The following ZNF680 variants were observed in gnomAD, a reference collection of about 807,000 sequenced individuals.
The protein encoded by ZNF680 is zinc finger protein 680, also known as hypothetical protein FLJ90430.
In ZNF680, 6 loss-of-function variants were observed where a neutral mutation model predicts 12.1. That is an observed-to-expected ratio of 0.49 (90% CI 0.27 to 0.98). The LOEUF is 0.98. ZNF680 is among the 50% of genes least tolerant of loss of function. ZNF680 has a pLI of 0.12. For missense variants in ZNF680, 561 were observed against 616.3 expected (o/e 0.91, Z 0.95); for synonymous variants, 170 against 199.3 (o/e 0.85, Z 1.24).
At chr7:64,537,062 T>C (rs990770477) in intron 3 of ZNF680, among the ~76,000 whole-genome samples, 10 of 152,228 alleles carry the variant, frequency 6.6e-5, no homozygotes, top group African/African-American at 2.2e-4. Context: ...AGTAAAATCC[T>C]GTCTCAAAAC....
chr7:64,557,675 G>C (rs1787498117), intron 1 of ZNF680, among the ~76,000 whole-genome samples: 1 of 152,214 alleles, frequency 6.6e-6, no homozygotes, highest in Non-Finnish European at 1.5e-5. Context: ...ATCACTTGAG[G>C]TCAGGAGTTT....
At chr7:64,522,613 T>C in intron 3 of ZNF680, 113 bp from the exon 4 acceptor site, 1 of 852,902 alleles carries the variant, frequency 1.2e-6, no homozygotes, top group Non-Finnish European at 1.6e-6. Context: ...CAAAAATAAA[T>C]AACTAAAAAA....
chr7:64,546,669 G>A (rs1303904943), intron 1 of ZNF680, among the ~76,000 whole-genome samples: 1 of 152,156 alleles, frequency 6.6e-6, no homozygotes, highest in Admixed American at 6.5e-5. Context: ...CTAGAACCTG[G>A]AAGGCAGAGG....
Position 64,540,303 on chromosome 7 carries a change from C to CTT in ZNF680, c.253+3402_253+3403dup, listed in dbSNP as rs61265238. Among the ~76,000 whole-genome samples, 878 of 129,102 alleles carry CTT rather than the reference C, an allele frequency of 6.8e-3. 16 individuals carry two copies. The highest frequency in any genetic ancestry group is 0.025 in the African/African-American group (802 of 32,128). 84.7% of individuals were successfully genotyped at this position (129,102 alleles called of 152,430 possible). On this transcript the variant is annotated intron_variant, in intron 3 of 3. Coordinates refer to ENST00000309683, the MANE Select transcript of ZNF680 (RefSeq NM_178558.5). ...GTGATAGACATATGGCTGATTTATC[C>CTT]TTTTTTTTTTTTTTTTTTTGAGATG... is the stretch of plus-strand genomic sequence containing the variant.
chr7:64,504,643 A>G, the ZNF680 span, among the ~76,000 whole-genome samples: 2 of 152,232 alleles, frequency 1.3e-5, no homozygotes, highest in African/African-American at 4.8e-5. Flanking sequence ...CAGCATTCTC[A>G]GTGCCCAGTA....
At chr7:64,543,319 A>G (rs908472008) in intron 3 of ZNF680, among the ~76,000 whole-genome samples, 1 of 152,214 alleles carries the variant, frequency 6.6e-6, no homozygotes, top group Admixed American at 6.5e-5. Context: ...AAAAATGGAA[A>G]AGAAACCACT....
At chr7:64,535,502 A>C (rs1270580242) in intron 3 of ZNF680, among the ~76,000 whole-genome samples, 2 of 152,182 alleles carry the variant, frequency 1.3e-5, no homozygotes. Flanking sequence ...TCAGTAAAAA[A>C]GCATACAATA....
chr7:64,562,227 G>A (rs1250873318), intron 1 of ZNF680, among the ~76,000 whole-genome samples: 27 of 116,850 alleles, frequency 2.3e-4, no homozygotes, highest in African/African-American at 8.4e-4. Flanking sequence ...GCGAGACTCC[G>A]TTTCAAAAAA....
At position 64,521,033 on chromosome 7, in the gene ZNF680, A is replaced by G. The variant is rs1022890346; in HGVS notation, c.*128T>C. On this transcript the variant is annotated 3_prime_UTR_variant, in exon 4 of 4. Transcript: ENST00000309683. ...AAGTTTTGTCACATTCTTTACACTTATAAAGTTTTCTCCAATATAAATTAT... is the reference window on the plus strand; with the variant it reads ...AAGTTTTGTCACATTCTTTACACTTGTAAAGTTTTCTCCAATATAAATTAT... The G allele has an allele frequency of 2.8e-6, 3 of 1,061,502 alleles. No homozygotes were observed. Among genetic ancestry groups the G allele is most frequent in the African/African-American group, 3.2e-5 (2 of 62,636 alleles). The allele number at this position is 1,061,502 out of a possible 1,614,324, so 65.8% of individuals were successfully genotyped here.
In ZNF680 at chr7:64,562,920, C is replaced by A; in HGVS notation, c.30+5G>T. On this transcript the variant is annotated splice_donor_5th_base_variant and intron_variant, in intron 1 of 3. Coordinates refer to ENST00000309683, the MANE Select transcript of ZNF680 (RefSeq NM_178558.5). ...CTCTCTCGGGGTGTCGGACCGCACT[C>A]TCACCATTTCTAGGCTTCCAGGTGG... The A allele has an allele frequency of 1.9e-6, 3 of 1,613,752 alleles. No individual in the cohort carries two copies. Among genetic ancestry groups the A allele is most frequent in the Non-Finnish European group, 2.5e-6 (3 of 1,179,794 alleles).
At chr7:64,505,114 T>C in the ZNF680 span, among the ~76,000 whole-genome samples, 2 of 152,206 alleles carry the variant, frequency 1.3e-5, no homozygotes, top group Non-Finnish European at 2.9e-5. Flanking sequence ...AAGAACATAA[T>C]GATCGAGCAA....
chr7:64,557,812 G>A (rs1476911363), intron 1 of ZNF680, among the ~76,000 whole-genome samples: 12 of 152,276 alleles, frequency 7.9e-5, no homozygotes, highest in African/African-American at 2.4e-4. Context: ...CTTGAACCCC[G>A]GAGGCGGAGG....
chr7:64,534,613 AAGAACTAAAGGT>A (rs1473293706), intron 3 of ZNF680, among the ~76,000 whole-genome samples: 4 of 152,212 alleles, frequency 2.6e-5, no homozygotes, highest in African/African-American at 4.8e-5. Flanking sequence ...AGATTCCTTA[AAGAACTAAAGGT>A]AGAACTACCA....
chr7:64,552,742 G>C (rs1312624145), intron 1 of ZNF680, among the ~76,000 whole-genome samples: 15 of 152,150 alleles, frequency 9.9e-5, no homozygotes, highest in Admixed American at 9.2e-4. Flanking sequence ...TTAAAAAGTA[G>C]AAATAACAAT....
downstream of ZNF680, among the ~76,000 whole-genome samples, chr7:64,519,706 C>T (rs1791434165): frequency 6.6e-6 from 1 of 151,700 alleles, no homozygotes; most frequent in Non-Finnish European, 1.5e-5. Context: ...TATTTTTGAT[C>T]ACATCAGTTA....
the ZNF680 span, among the ~76,000 whole-genome samples, chr7:64,512,805 T>C: frequency 6.6e-6 from 1 of 152,096 alleles, no homozygotes; most frequent in East Asian, 1.9e-4. Flanking sequence ...GTGTGTGTAA[T>C]GTCTATTTAA....
chr7:64,553,752 G>A (rs1024383070), intron 1 of ZNF680, among the ~76,000 whole-genome samples: 4 of 151,788 alleles, frequency 2.6e-5, no homozygotes, highest in African/African-American at 7.2e-5. Flanking sequence ...CGCCAGACTG[G>A]TTTTCGCATT....
intron 2 of ZNF680, chr7:64,544,088 A>C: frequency 1.5e-6 from 1 of 655,682 alleles, no homozygotes; most frequent in East Asian, 3.5e-5. Flanking sequence ...ACTAATCTAG[A>C]GTGAAGGACA....
chr7:64,505,096 A>T, the ZNF680 span, among the ~76,000 whole-genome samples: 1 of 152,254 alleles, frequency 6.6e-6, no homozygotes, highest in Non-Finnish European at 1.5e-5. Context: ...TTTAGATTTT[A>T]AAAGGTCAAG....
Sources: allele counts gnomAD v4.1 joint callset (sites outside exome capture counted in the v4.1 genomes callset), GRCh38; gene constraint gnomAD v4.1.1; transcripts MANE v1.5; gene names NCBI Gene and HGNC (gene_info 2026-07-23, HGNC 2026-07-21).